Variants in ZC3H12B observed in about 807,000 individuals in gnomAD.
ZC3H12B encodes the protein probable ribonuclease ZC3H12B.
In ZC3H12B, 7 loss-of-function variants were observed where a neutral mutation model predicts 43.9. The ratio of observed to expected loss-of-function variants is 0.16; its 90% CI spans 0.09 to 0.30. The LOEUF (loss-of-function observed/expected upper bound fraction) is 0.30, where lower values mean the gene tolerates loss of function less well. Among genes scored for constraint, ZC3H12B ranks in the 10% least tolerant of loss-of-function variants. The pLI is 1.00. For synonymous variants in ZC3H12B, 222 were observed against 241.7 expected (o/e 0.92, Z 0.76); for missense variants, 475 against 670.2 (o/e 0.71, Z 3.22).
At chrX:65,418,491 G>A (rs761909058) in intron 3 of ZC3H12B, among the ~76,000 whole-genome samples, 11 of 111,683 alleles carry the variant, frequency 9.8e-5, no homozygotes, top group Non-Finnish European at 1.9e-4. Context: ...AATGCAATAG[G>A]AGTAATTGGA....
chrX:65,438,024 C>T (rs893211128), intron 3 of ZC3H12B, among the ~76,000 whole-genome samples: 2 of 112,142 alleles, frequency 1.8e-5, no homozygotes, highest in African/African-American at 6.5e-5. Context: ...GTTCTTGACA[C>T]CTTTGTCAAA....
At chrX:65,482,045 G>A (rs1241044968) in intron 3 of ZC3H12B, among the ~76,000 whole-genome samples, 1 of 111,603 alleles carries the variant, frequency 9.0e-6, no homozygotes, top group Non-Finnish European at 1.9e-5. Context: ...TAATTATAAA[G>A]AGAGAAAATA....
the ZC3H12B span, among the ~76,000 whole-genome samples, chrX:65,308,656 A>G: frequency 1.8e-5 from 2 of 111,338 alleles, no homozygotes; most frequent in Non-Finnish European, 1.9e-5. Flanking sequence ...CGTCTACACA[A>G]CTCTCCACCC....
chrX:65,371,808 G>C (rs900564608), intron 2 of ZC3H12B, among the ~76,000 whole-genome samples: 1 of 111,702 alleles, frequency 9.0e-6, no homozygotes, highest in African/African-American at 3.3e-5. Context: ...GAAAGAGAAA[G>C]AATAAAGAAC....
At chrX:65,068,105 C>CTTTTTTTTTTTTTT in the ZC3H12B span, among the ~76,000 whole-genome samples, 1 of 60,813 alleles carries the variant, frequency 1.6e-5, no homozygotes, top group African/African-American at 7.2e-5. Flanking sequence ...CTTGATGTTA[C>CTTTTTTTTTTTTTT]TTTTTTTTTT....
chrX:65,315,298 G>T, the ZC3H12B span, among the ~76,000 whole-genome samples: 2 of 111,945 alleles, frequency 1.8e-5, no homozygotes, highest in African/African-American at 3.2e-5. Context: ...ATGGTTTTTA[G>T]CATATGTAGA....
chrX:65,400,238 G>T (rs1042488564), intron 3 of ZC3H12B, among the ~76,000 whole-genome samples: 6 of 111,802 alleles, frequency 5.4e-5, no homozygotes, highest in African/African-American at 1.9e-4. Context: ...GCCAAAATAT[G>T]AAAGTGGGAA....
chrX:65,280,223 A>G, the ZC3H12B span, among the ~76,000 whole-genome samples: 4 of 112,669 alleles, frequency 3.6e-5, no homozygotes, highest in Non-Finnish European at 7.5e-5. Context: ...GATTTATCCC[A>G]GGACTTCAAA....
At chrX:65,249,953 T>G in the ZC3H12B span, among the ~76,000 whole-genome samples, 1 of 110,689 alleles carries the variant, frequency 9.0e-6, no homozygotes, top group Non-Finnish European at 1.9e-5. Context: ...TTTTTTTTAT[T>G]ATACCTTAAG....
chrX:65,066,757 G>A, the ZC3H12B span, among the ~76,000 whole-genome samples: 3 of 111,988 alleles, frequency 2.7e-5, no homozygotes, highest in Non-Finnish European at 5.6e-5. Context: ...CTTCCCTCAT[G>A]TGCTCTGTCC....
the ZC3H12B span, among the ~76,000 whole-genome samples, chrX:65,094,065 T>A: frequency 1.2e-3 from 137 of 110,120 alleles, 1 homozygote; most frequent in Middle Eastern, 4.6e-3. Flanking sequence ...AGAGTTCTCA[T>A]GAGATCTGGT....
the ZC3H12B span, among the ~76,000 whole-genome samples, chrX:65,323,246 A>AG: frequency 1.8e-5 from 2 of 111,946 alleles, no homozygotes; most frequent in African/African-American, 6.5e-5. Context: ...AAAGGGTTTT[A>AG]ATTTCTCAAC....
chrX:65,479,278 C>T (rs1219086225), intron 3 of ZC3H12B, among the ~76,000 whole-genome samples: 2 of 111,622 alleles, frequency 1.8e-5, no homozygotes, highest in African/African-American at 6.5e-5. Flanking sequence ...GAATAGAGCA[C>T]ATTCAAATGC....
chrX:65,227,228 T>A, the ZC3H12B span, among the ~76,000 whole-genome samples: 5 of 111,146 alleles, frequency 4.5e-5, no homozygotes, highest in African/African-American at 1.6e-4. Flanking sequence ...ATTAAGAAAC[T>A]CACTCAAAAC....
At chrX:65,443,352 G>A (rs1001030205) in intron 3 of ZC3H12B, among the ~76,000 whole-genome samples, 1 of 110,913 alleles carries the variant, frequency 9.0e-6, no homozygotes, top group Non-Finnish European at 1.9e-5. Context: ...GCCGAGACCA[G>A]CTCGGCTGGG....
the ZC3H12B span, among the ~76,000 whole-genome samples, chrX:65,252,714 A>G: frequency 1.8e-5 from 2 of 111,683 alleles, no homozygotes; most frequent in Non-Finnish European, 3.8e-5. Context: ...TCTAATACAG[A>G]TCTTTTTGGT....
At chrX:65,354,911 G>GA in the ZC3H12B span, among the ~76,000 whole-genome samples, 504 of 111,160 alleles carry the variant, frequency 4.5e-3, 1 homozygote, top group Non-Finnish European at 7.0e-3. Context: ...CAAGATTAGA[G>GA]AAAAAAAATG....
At chrX:65,047,902 TA>T in the ZC3H12B span, among the ~76,000 whole-genome samples, 1 of 110,809 alleles carries the variant, frequency 9.0e-6, no homozygotes, top group Non-Finnish European at 1.9e-5. Flanking sequence ...ATGTTGGGGC[TA>T]AGTCTTTAAT....
At chrX:65,356,749 C>G in the ZC3H12B span, 1 of 152,272 alleles carries the variant, frequency 6.6e-6, no homozygotes. Context: ...TCAACTGGTT[C>G]AAGGCCTCTT....
Sources: gnomAD v4.1 joint callset for allele counts (sites outside exome capture counted in the v4.1 genomes callset) on GRCh38, gnomAD v4.1.1 for gene constraint, MANE v1.5 for transcripts, NCBI Gene and HGNC (gene_info 2026-07-23, HGNC 2026-07-21) for gene names.